Variants in PIK3C2G observed in about 807,000 individuals in gnomAD.
PIK3C2G encodes phosphatidylinositol-4-phosphate 3-kinase catalytic subunit type 2 gamma.
In PIK3C2G, 168 loss-of-function variants were observed where a neutral mutation model predicts 181.1. The ratio of observed to expected loss-of-function variants is 0.93; its 90% CI spans 0.82 to 1.05. The LOEUF (loss-of-function observed/expected upper bound fraction) is 1.05. Ranked by LOEUF, PIK3C2G falls within the 50% of genes least tolerant of loss-of-function variation. The pLI is 0.00. For missense variants in PIK3C2G, 1,869 were observed against 1,732.8 expected (o/e 1.08, Z -1.40); for synonymous variants, 573 against 592.2 (o/e 0.97, Z 0.47).
chr12:18,598,760 G>T (rs1947526232), intron 30 of PIK3C2G, among the ~76,000 whole-genome samples: 3 of 148,700 alleles, frequency 2.0e-5, no homozygotes, highest in African/African-American at 7.3e-5. Flanking sequence ...CTGACAAAGG[G>T]CTAATATCCA....
intron 5 of PIK3C2G, 139 bp downstream of exon 5, chr12:18,294,154 G>T: frequency 5.6e-6 from 3 of 538,460 alleles, no homozygotes; most frequent in Admixed American, 3.7e-5. Context: ...CCTTTGCAGT[G>T]AATTTGAAAT....
At chr12:18,683,766 C>G in the PIK3C2G span, 4 of 564,402 alleles carry the variant, frequency 7.1e-6, no homozygotes, top group Admixed American at 7.2e-5. Context: ...GGCTCCCAAT[C>G]TCTTCTCCTC....
chr12:18,504,884 A>G (rs1305491388), intron 23 of PIK3C2G, among the ~76,000 whole-genome samples: 1 of 152,208 alleles, frequency 6.6e-6, no homozygotes, highest in Non-Finnish European at 1.5e-5. Context: ...ATATTCAACC[A>G]TTGATATTTT....
chr12:18,310,013 GAAGA>G (rs1388868674), intron 5 of PIK3C2G, among the ~76,000 whole-genome samples: 1 of 151,736 alleles, frequency 6.6e-6, no homozygotes, highest in Admixed American at 6.6e-5. Context: ...AAGTATGAGT[GAAGA>G]AAGAAAGTCA....
chr12:18,469,903 C>T (rs1397786322), intron 18 of PIK3C2G, among the ~76,000 whole-genome samples: 2 of 140,640 alleles, frequency 1.4e-5, no homozygotes, highest in African/African-American at 5.2e-5. Context: ...CAAAATGCAG[C>T]CACCTGCTAC....
intron 16 of PIK3C2G, among the ~76,000 whole-genome samples, chr12:18,419,342 T>A (rs569613270): frequency 6.6e-6 from 1 of 152,274 alleles, no homozygotes; most frequent in South Asian, 2.1e-4. Context: ...ACTTAACAAG[T>A]CATCACTTAG....
intron 15 of PIK3C2G, among the ~76,000 whole-genome samples, chr12:18,396,235 T>G (rs1311622850): frequency 6.6e-6 from 1 of 151,574 alleles, no homozygotes; most frequent in African/African-American, 2.4e-5. Context: ...AGCAATTAGA[T>G]TAAAAGTAAA....
intron 8 of PIK3C2G, among the ~76,000 whole-genome samples, chr12:18,328,439 T>A (rs1951442995): frequency 6.6e-6 from 1 of 152,034 alleles, no homozygotes. Context: ...GGATTTTATA[T>A]TTAGCTTCTT....
chr12:18,526,046 TAA>T (rs1161751380), intron 24 of PIK3C2G, among the ~76,000 whole-genome samples: 12 of 152,220 alleles, frequency 7.9e-5, no homozygotes, highest in African/African-American at 2.9e-4. Flanking sequence ...TTTCAATAGT[TAA>T]TTACCACTGA....
Position 18,615,687 on chromosome 12 carries a change from G to A in PIK3C2G, c.4182+6058G>A, listed in dbSNP as rs141330983. ...ATATAATCAGCAACAAATCCTTTTA[G>A]TTTCTTTTAGATTACTTTTATTATT... On this transcript the variant is annotated intron_variant, in intron 31 of 32. Coordinates refer to ENST00000538779, the MANE Select transcript of PIK3C2G (RefSeq NM_001288772.2). Among the ~76,000 whole-genome samples, 572 of 151,674 alleles carry A rather than the reference G, an allele frequency of 3.8e-3. 2 individuals are homozygous for A. Among genetic ancestry groups the A allele is most frequent in the Middle Eastern group, 0.01 (3 of 292 alleles).
chr12:18,547,190 T>C (rs552268248), intron 26 of PIK3C2G, among the ~76,000 whole-genome samples: 1 of 152,132 alleles, frequency 6.6e-6, no homozygotes, highest in South Asian at 2.1e-4. Context: ...TTATATTCTT[T>C]TAAGTGGAAT....
At chr12:18,493,502 T>C (rs1940753513) in intron 20 of PIK3C2G, 1 of 152,348 alleles carries the variant, frequency 6.6e-6, no homozygotes, top group African/African-American at 2.4e-5. Flanking sequence ...TAAGAAACCC[T>C]ACAAATATAA....
chr12:18,258,476 C>T (rs1006783838), upstream of PIK3C2G, among the ~76,000 whole-genome samples: 1 of 152,096 alleles, frequency 6.6e-6, no homozygotes, highest in African/African-American at 2.4e-5. Context: ...CCATTTTACT[C>T]TCTGCTCCTA....
At chr12:18,354,966 CA>C (rs36121289) in intron 11 of PIK3C2G, among the ~76,000 whole-genome samples, 15,935 of 152,244 alleles carry the variant, frequency 0.1, 1,170 homozygotes, top group Admixed American at 0.25. Context: ...ACCCATGAAG[CA>C]GGGAGGTCTT....
intron 18 of PIK3C2G, among the ~76,000 whole-genome samples, chr12:18,483,344 C>T (rs1592374047): frequency 6.6e-6 from 1 of 152,152 alleles, no homozygotes; most frequent in East Asian, 1.9e-4. Context: ...CTATCAGATA[C>T]TCAGACACTT....
At chr12:18,606,339 T>C (rs1948019583) in intron 30 of PIK3C2G, among the ~76,000 whole-genome samples, 1 of 152,160 alleles carries the variant, frequency 6.6e-6, no homozygotes, top group African/African-American at 2.4e-5. Flanking sequence ...TCAAATATAA[T>C]GTTCGTTGTG....
At chr12:18,426,473 T>C (rs1367397193) in intron 18 of PIK3C2G, among the ~76,000 whole-genome samples, 2 of 152,186 alleles carry the variant, frequency 1.3e-5, no homozygotes, top group African/African-American at 2.4e-5. Flanking sequence ...AACATAATAT[T>C]CTTTGCATAC....
At chr12:18,695,034 T>G in the PIK3C2G span, 1 of 1,613,182 alleles carries the variant, frequency 6.2e-7, no homozygotes, top group Non-Finnish European at 8.5e-7. Context: ...AAATTTCCCA[T>G]TTTGCAGATC....
At chr12:18,708,959 C>A in the PIK3C2G span, among the ~76,000 whole-genome samples, 1 of 152,042 alleles carries the variant, frequency 6.6e-6, no homozygotes, top group Non-Finnish European at 1.5e-5. Flanking sequence ...AATTCATAGG[C>A]TGCCCTTTGA....
Sources: allele counts gnomAD v4.1 joint callset (sites outside exome capture counted in the v4.1 genomes callset), GRCh38; gene constraint gnomAD v4.1.1; transcripts MANE v1.5; gene names NCBI Gene and HGNC (gene_info 2026-07-23, HGNC 2026-07-21).